Variants in SAXO2 observed in about 807,000 individuals in gnomAD.
The protein encoded by SAXO2 is stabilizer of axonemal microtubules 2.
SAXO2 carries 17 observed loss-of-function variants against 18.7 expected under a neutral mutation model. The ratio of observed to expected loss-of-function variants is 0.91; its 90% CI spans 0.62 to 1.36. The LOEUF (loss-of-function observed/expected upper bound fraction) is 1.36, where lower values mean the gene tolerates loss of function less well. Among genes scored for constraint, SAXO2 ranks in the 40% most tolerant of loss-of-function variants. SAXO2 has a pLI of 0.00. For missense variants in SAXO2, 486 were observed against 562.6 expected (o/e 0.86, Z 1.38); for synonymous variants, 163 against 181.2 (o/e 0.90, Z 0.81).
chr15:82,269,553 C>A (rs1364373043), intron 2 of SAXO2, among the ~76,000 whole-genome samples: 2 of 151,980 alleles, frequency 1.3e-5, no homozygotes, highest in Non-Finnish European at 2.9e-5. Flanking sequence ...TAATAAGAAG[C>A]CATGAAGGTT....
At chr15:82,274,181 G>A (rs924946876) in intron 3 of SAXO2, among the ~76,000 whole-genome samples, 1 of 151,920 alleles carries the variant, frequency 6.6e-6, no homozygotes, top group East Asian at 1.9e-4. Flanking sequence ...CCATGACCTG[G>A]GTTTCCTGTA....
In SAXO2 at chr15:82,282,599, T is replaced by C; in HGVS notation, c.914T>C (p.Met305Thr). The change falls in exon 4 of 4, where the codon ATG becomes ACG. Residue 305 changes from methionine (M) to threonine (T), a missense_variant. Physicochemically the swap from Met to Thr is moderately conservative, Grantham distance 81 (BLOSUM62 -1). Coordinates refer to ENST00000682753, the MANE Select transcript of SAXO2 (RefSeq NM_001348699.2). Reference sequence around the variant, plus strand: ...GAGTATGTGCCTCCTACAGGTAGCATGCTGTTAAACAGCACAAGCCATCTT... The same window carrying C: ...GAGTATGTGCCTCCTACAGGTAGCACGCTGTTAAACAGCACAAGCCATCTT... The part of the protein sequence containing the change: ...VPEYVPPTGS[M>T]LLNSTSHLDY... 2 of 1,614,226 alleles carry C rather than the reference T, an allele frequency of 1.2e-6. No homozygotes were observed. Among genetic ancestry groups the C allele is most frequent in the Non-Finnish European group, 1.7e-6 (2 of 1,180,036 alleles).
intron 1 of SAXO2, chr15:82,264,859 C>A: frequency 1.6e-6 from 1 of 637,914 alleles, no homozygotes; most frequent in Non-Finnish European, 2.8e-6. Context: ...ATGTTCCATG[C>A]AAGCAAAATA....
intron 2 of SAXO2, among the ~76,000 whole-genome samples, chr15:82,271,240 A>AT (rs1237707847): frequency 2.0e-5 from 3 of 152,168 alleles, no homozygotes; most frequent in African/African-American, 4.8e-5. Context: ...GGGGTAATAT[A>AT]TTTTTTAAAC....
chr15:82,280,208 T>G (rs1449243206), intron 3 of SAXO2, among the ~76,000 whole-genome samples: 3 of 152,140 alleles, frequency 2.0e-5, no homozygotes, highest in Non-Finnish European at 4.4e-5. Flanking sequence ...ATGTAGAACT[T>G]ACATTCATAC....
At chr15:82,269,272 A>G (rs1326541419) in intron 2 of SAXO2, among the ~76,000 whole-genome samples, 1 of 152,234 alleles carries the variant, frequency 6.6e-6, no homozygotes, top group Non-Finnish European at 1.5e-5. Flanking sequence ...CTTGACAACC[A>G]GACCAAGAGT....
intron 2 of SAXO2, among the ~76,000 whole-genome samples, chr15:82,268,451 G>A (rs2075239949): frequency 1.3e-5 from 2 of 152,334 alleles, no homozygotes; most frequent in African/African-American, 4.8e-5. Flanking sequence ...GTTTATTAAA[G>A]TGTCATCTCT....
At chr15:82,275,147 C>T (rs1057147273) in intron 3 of SAXO2, among the ~76,000 whole-genome samples, 4 of 151,538 alleles carry the variant, frequency 2.6e-5, no homozygotes, top group Non-Finnish European at 5.9e-5. Flanking sequence ...TCTAGGTACA[C>T]AAATTAGAAA....
intron 3 of SAXO2, among the ~76,000 whole-genome samples, chr15:82,276,162 C>T (rs187383352): frequency 2.0e-5 from 3 of 152,126 alleles, no homozygotes. Flanking sequence ...GCCATACACA[C>T]TCACAGTACC....
At chr15:82,271,939 G>T in intron 3 of SAXO2, 137 bp downstream of exon 3, 2 of 712,998 alleles carry the variant, frequency 2.8e-6, no homozygotes, top group Non-Finnish European at 4.7e-6. Context: ...TTCTCTCTTT[G>T]GCAAAATAGT....
chr15:82,268,005 T>C (rs1469700224), intron 2 of SAXO2, among the ~76,000 whole-genome samples: 2 of 152,224 alleles, frequency 1.3e-5, no homozygotes, highest in African/African-American at 2.4e-5. Context: ...AGAGAAGGTC[T>C]TTGCTTTACT....
chr15:82,263,516 T>G, intron 1 of SAXO2: 1 of 684,434 alleles, frequency 1.5e-6, no homozygotes, highest in Non-Finnish European at 2.7e-6. Context: ...GTAAACACAG[T>G]CCTCTCCTTC....
Position 82,265,719 on chromosome 15 carries a change from T to C in SAXO2, c.204T>C (p.His68=), listed in dbSNP as rs2141359933. The C allele has an allele frequency of 3.3e-6, 5 of 1,530,620 alleles. No homozygotes were observed. The highest frequency in any genetic ancestry group is 4.4e-6 in the Non-Finnish European group (5 of 1,145,020). 94.8% of individuals were successfully genotyped at this position (1,530,620 alleles called of 1,614,324 possible). A position where few individuals can be genotyped will look rare whatever the true frequency, so the allele number is the denominator to read the frequency against. The stretch of plus-strand genomic sequence containing the variant: ...CCAAGCAAGAAATTCGAGCATGCCA[T>C]GGTAAAATGGAAGGAATAACTACAT... ...LKAKQEIRAC[H]GKMEGITTFK... Residue 68 remains histidine (H), a synonymous_variant, in exon 2 of 4, where the codon CAT becomes CAC. Coordinates refer to ENST00000682753, the MANE Select transcript of SAXO2 (RefSeq NM_001348699.2).
chr15:82,279,616 T>C (rs553789779), intron 3 of SAXO2, among the ~76,000 whole-genome samples: 3 of 152,248 alleles, frequency 2.0e-5, no homozygotes, highest in East Asian at 3.9e-4. Flanking sequence ...ACCTTACAGG[T>C]AGTATTAAAA....
intron 3 of SAXO2, among the ~76,000 whole-genome samples, chr15:82,272,266 C>G (rs1299556782): frequency 6.6e-6 from 1 of 152,102 alleles, no homozygotes; most frequent in Non-Finnish European, 1.5e-5. Context: ...GATGGAGAAG[C>G]AAAATACTGC....
At chr15:82,278,020 A>T (rs559577471) in intron 3 of SAXO2, among the ~76,000 whole-genome samples, 1 of 146,862 alleles carries the variant, frequency 6.8e-6, no homozygotes, top group Admixed American at 6.7e-5. Context: ...TTTGCAAAAG[A>T]AAAAAAAAAG....
At chr15:82,264,703 G>C in intron 1 of SAXO2, 1 of 702,388 alleles carries the variant, frequency 1.4e-6, no homozygotes, top group Non-Finnish European at 2.6e-6. Context: ...CACTGCCTCT[G>C]CCATAATCAG....
chr15:82,264,548 G>C (rs2075193684), intron 1 of SAXO2: 2 of 651,206 alleles, frequency 3.1e-6, no homozygotes, highest in Admixed American at 2.4e-5. Flanking sequence ...CTTAGTTGTG[G>C]ATAACGTAAT....
chr15:82,274,617 A>G (rs2075298800), intron 3 of SAXO2, among the ~76,000 whole-genome samples: 1 of 151,338 alleles, frequency 6.6e-6, no homozygotes, highest in Non-Finnish European at 1.5e-5. Context: ...GCAGGAGAAT[A>G]TCTTGAACCC....
Sources: allele counts gnomAD v4.1 joint callset (sites outside exome capture counted in the v4.1 genomes callset), GRCh38; gene constraint gnomAD v4.1.1; transcripts MANE v1.5; gene names NCBI Gene and HGNC (gene_info 2026-07-23, HGNC 2026-07-21).